The following CFAP69 variants were observed in gnomAD, a reference collection of about 807,000 sequenced individuals.
CFAP69 encodes the protein cilia- and flagella-associated protein 69.
A neutral mutation model predicts 123.0 loss-of-function variants in CFAP69; 92 were observed. The ratio of observed to expected loss-of-function variants is 0.75; its 90% confidence interval spans 0.63 to 0.89. The LOEUF (loss-of-function observed/expected upper bound fraction) is 0.89, where lower values mean the gene tolerates loss of function less well. Among genes scored for constraint, CFAP69 ranks in the 40% least tolerant of loss-of-function variants. The probability of loss-of-function intolerance (pLI) is 0.00; values close to 1 mark genes in which losing one functional copy is unlikely to be tolerated. For missense variants in CFAP69, 1,067 were observed against 1,096.9 expected (o/e 0.97, Z 0.39); for synonymous variants, 380 against 364.3 (o/e 1.04, Z -0.49).
chr7:90,250,188 G>GAGAGAGAGAT (rs1491315267), intron 1 of CFAP69, among the ~76,000 whole-genome samples: 2 of 1,894 alleles, frequency 1.1e-3, no homozygotes, highest in African/African-American at 4.5e-3. Flanking sequence ...TTAAAGAGAG[G>GAGAGAGAGAT]AGAGAGAGAG....
chr7:90,304,709 C>T, intron 18 of CFAP69, 35 bp from the exon 19 acceptor site: 1 of 1,586,140 alleles, frequency 6.3e-7, no homozygotes, highest in African/African-American at 1.4e-5. Flanking sequence ...ACTTGCTCTG[C>T]TAAAGTAATT....
intron 15 of CFAP69, among the ~76,000 whole-genome samples, chr7:90,291,316 G>A (rs1448668307): frequency 1.3e-5 from 2 of 152,102 alleles, no homozygotes; most frequent in Non-Finnish European, 2.9e-5. Context: ...TGTTGCCATG[G>A]CATTTGTAAA....
At chr7:90,272,930 T>G (rs17868447) in intron 8 of CFAP69, among the ~76,000 whole-genome samples, 2,994 of 152,252 alleles carry the variant, frequency 0.02, 98 homozygotes, top group East Asian at 0.11. Flanking sequence ...GAAAAAATGC[T>G]CTGACTGGCG....
chr7:90,297,692 A>G, intron 15 of CFAP69, 57 bp from the exon 16 acceptor site: 1 of 1,098,126 alleles, frequency 9.1e-7, no homozygotes, highest in South Asian at 1.4e-5. Context: ...ATAAAGCTGT[A>G]CAAATTCAGT....
At chr7:90,298,583 A>G (rs1792334014) in intron 16 of CFAP69, among the ~76,000 whole-genome samples, 1 of 152,148 alleles carries the variant, frequency 6.6e-6, no homozygotes, top group Non-Finnish European at 1.5e-5. Context: ...TGCTAAAATT[A>G]TTTGTGCCCC....
chr7:90,304,485 T>C, intron 18 of CFAP69: 1 of 1,250,882 alleles, frequency 8.0e-7, no homozygotes, highest in Non-Finnish European at 1.0e-6. Context: ...TAAGATATTA[T>C]TGTCTGACTA....
intron 17 of CFAP69, 80 bp downstream of exon 17, chr7:90,300,139 C>T: frequency 8.0e-7 from 1 of 1,254,526 alleles, no homozygotes; most frequent in Non-Finnish European, 1.0e-6. Flanking sequence ...AAGAAAGCAT[C>T]AGGCCTTTCA....
intron 19 of CFAP69, among the ~76,000 whole-genome samples, chr7:90,305,918 A>C (rs972112080): frequency 3.7e-4 from 55 of 149,846 alleles, no homozygotes; most frequent in Admixed American, 3.3e-4. Context: ...GTAAATGAGT[A>C]AACCTCTATT....
rs998631120 is a variant in CFAP69, at chr7:90,276,989, A to G, written c.985-84A>G. The stretch of plus-strand genomic sequence containing the variant: ...GACAGTAGGAGAATTTGATAAATGT[A>G]CTTAAGTAGTAAATATGAGCATCTG... On this transcript the variant is annotated intron_variant, in intron 9 of 22. Coordinates refer to ENST00000389297, the MANE Select transcript of CFAP69 (RefSeq NM_001039706.3). 9.4e-6 allele frequency: 9 copies of G among 959,262 alleles called. No homozygotes were observed. The African/African-American group carries it at 1.2e-4, about 13-fold the overall frequency. 59.4% of individuals were successfully genotyped at this position (959,262 alleles called of 1,614,324 possible).
intron 1 of CFAP69, among the ~76,000 whole-genome samples, chr7:90,253,297 T>A (rs1263249205): frequency 6.6e-6 from 1 of 152,206 alleles, no homozygotes; most frequent in East Asian, 1.9e-4. Flanking sequence ...AATTTGTAGA[T>A]CCCTGTATCA....
chr7:90,258,150 A>G lies in CFAP69; in HGVS notation c.233A>G (p.Tyr78Cys), dbSNP rs182135432. 3 of 1,607,394 alleles carry G rather than the reference A, an allele frequency of 1.9e-6. No individual in the cohort carries two copies. The highest frequency in any genetic ancestry group is 1.3e-5 in the African/African-American group (1 of 74,758). ...LKFVKKLVQC[Y>C]QNGLPLRDLA... is the part of the protein sequence containing the mutation. ...TTTGTCAAGAAACTGGTACAGTGTT[A>G]TCAGAATGGACTTGTATCCTTTACA... Residue 78 changes from tyrosine (Y) to cysteine (C), a missense_variant, in exon 3 of 23, where the codon TAT (tyrosine) becomes TGT (cysteine). Physicochemically the swap from Tyr to Cys is radical, Grantham distance 194 (BLOSUM62 -2). Transcript: ENST00000389297.
intron 5 of CFAP69, among the ~76,000 whole-genome samples, chr7:90,266,620 A>G (rs1799200475): frequency 6.6e-6 from 1 of 152,128 alleles, no homozygotes; most frequent in African/African-American, 2.4e-5. Context: ...TCTTTGCTTA[A>G]TGACTGGTAC....
At position 90,277,342 on chromosome 7, in the gene CFAP69, G is replaced by C; in HGVS notation, c.1155+8G>C. 1.3e-6 allele frequency: 2 copies of C among 1,490,914 alleles called. No individual in the cohort carries two copies. Among genetic ancestry groups the C allele is most frequent in the South Asian group, 2.8e-5 (2 of 70,382 alleles). 92.4% of individuals were successfully genotyped at this position (1,490,914 alleles called of 1,614,324 possible). ...GATTTACCTACTGTACAGGTAAAGAGTAATCAAGGCAGGAAAATCAATAAA... is the reference window on the plus strand; with the variant it reads ...GATTTACCTACTGTACAGGTAAAGACTAATCAAGGCAGGAAAATCAATAAA... On this transcript the variant is annotated splice_region_variant and intron_variant, in intron 11 of 22. Coordinates refer to ENST00000389297, the MANE Select transcript of CFAP69 (RefSeq NM_001039706.3).
intron 1 of CFAP69, 119 bp downstream of exon 1, chr7:90,245,663 C>G (rs901015462): frequency 1.7e-4 from 214 of 1,274,792 alleles, no homozygotes; most frequent in Non-Finnish European, 2.1e-4. Flanking sequence ...ATGGGGGAAG[C>G]CGCGGGATGG....
intron 2 of CFAP69, 100 bp downstream of exon 2, chr7:90,255,582 C>T (rs1797553414): frequency 1.8e-5 from 16 of 902,120 alleles, no homozygotes; most frequent in South Asian, 1.6e-4. Flanking sequence ...TCATTTATCT[C>T]GTTTTGTTGA....
chr7:90,301,484 C>G (rs1041608917), intron 17 of CFAP69: 2 of 152,178 alleles, frequency 1.3e-5, no homozygotes, highest in Non-Finnish European at 2.9e-5. Flanking sequence ...TCCTCCTACT[C>G]TCTACCATCT....
At chr7:90,317,713 A>G in the CFAP69 span, 5 of 152,180 alleles carry the variant, frequency 3.3e-5, no homozygotes, top group East Asian at 1.9e-4. Context: ...AAAGTGGTCA[A>G]TAATGCAAAG....
At chr7:90,322,337 C>A in the CFAP69 span, 1 of 152,250 alleles carries the variant, frequency 6.6e-6, no homozygotes, top group Non-Finnish European at 1.5e-5. Context: ...CTGCTGTAGA[C>A]TTCCAAGTGT....
intron 15 of CFAP69, among the ~76,000 whole-genome samples, chr7:90,290,778 T>G (rs1050579837): frequency 8.1e-4 from 101 of 125,036 alleles, no homozygotes; most frequent in African/African-American, 3.2e-3. Context: ...TTCTTTTCTT[T>G]TCTTTTCTTT....
Sources: gnomAD v4.1 joint callset for allele counts (sites outside exome capture counted in the v4.1 genomes callset) on GRCh38, gnomAD v4.1.1 for gene constraint, MANE v1.5 for transcripts, NCBI Gene and HGNC (gene_info 2026-07-23, HGNC 2026-07-21) for gene names.